MYH13: variants seen among roughly 807,000 people sequenced by gnomAD.
MYH13 encodes the protein myosin heavy chain 13, also known as myosin-13.
In MYH13, 177 loss-of-function variants were observed where a neutral mutation model predicts 232.1. The ratio of observed to expected loss-of-function variants is 0.76; its 90% CI spans 0.67 to 0.86. The LOEUF (loss-of-function observed/expected upper bound fraction) is 0.86. MYH13 is among the 40% of genes least tolerant of loss of function. The pLI, the probability that MYH13 is intolerant of heterozygous loss-of-function variation, is 0.00. For missense variants in MYH13, 2,246 were observed against 2,405.9 expected (o/e 0.93, Z 1.39); for synonymous variants, 884 against 923.5 (o/e 0.96, Z 0.78).
intron 21 of MYH13, among the ~76,000 whole-genome samples, chr17:10,330,106 C>A (rs568264546): frequency 3.3e-5 from 5 of 152,216 alleles, no homozygotes; most frequent in East Asian, 1.9e-4. Context: ...AGTTCCCTAT[C>A]CCCCGACTAT....
intron 35 of MYH13, 146 bp from the exon 36 acceptor site, chr17:10,307,210 T>C: frequency 1.0e-6 from 1 of 975,326 alleles, no homozygotes; most frequent in Non-Finnish European, 1.5e-6. Context: ...TACAGTACTG[T>C]ACATTCTTTC....
At position 10,309,371 on chromosome 17, in the gene MYH13, C is replaced by T. The variant is rs1181730146; in HGVS notation, c.5032G>A (p.Val1678Met). Residue 1678 changes from valine to methionine, a missense_variant, in exon 35 of 41, where the codon GTG becomes ATG. Transcript: ENST00000252172. ...NEDLKEQLAI[V>M]ERRNGLLLEE... ...AGCAGGAGGCCATTCCTGCGCTCCACGATGGCCAGCTGCTCCTTGAGGTCC... is the reference window on the plus strand; with the variant it reads ...AGCAGGAGGCCATTCCTGCGCTCCATGATGGCCAGCTGCTCCTTGAGGTCC... The T allele has an allele frequency of 8.7e-6, 14 of 1,612,682 alleles. No homozygotes were observed. The highest frequency in any genetic ancestry group is 5.3e-5 in the African/African-American group (4 of 74,936).
chr17:10,322,329 C>T (rs766380315), intron 23 of MYH13, among the ~76,000 whole-genome samples: 9 of 152,104 alleles, frequency 5.9e-5, no homozygotes, highest in East Asian at 1.9e-4. Context: ...AAACAGGAGG[C>T]AGAGGTTGCA....
chr17:10,363,018 C>T (rs1357700139), intron 3 of MYH13, among the ~76,000 whole-genome samples: 1 of 152,136 alleles, frequency 6.6e-6, no homozygotes, highest in Non-Finnish European at 1.5e-5. Context: ...TTCAAGGCTC[C>T]CATAATTATT....
intron 18 of MYH13, among the ~76,000 whole-genome samples, chr17:10,335,763 AAG>A (rs143527222): frequency 5.3e-5 from 8 of 152,152 alleles, no homozygotes; most frequent in South Asian, 2.1e-4. Flanking sequence ...TTGAAAAAAA[AAG>A]AGAGAGAGAG....
chr17:10,371,079 A>G (rs1409586600), intron 2 of MYH13, 130 bp downstream of exon 2: 2 of 152,226 alleles, frequency 1.3e-5, no homozygotes, highest in African/African-American at 4.8e-5. Flanking sequence ...ACCTTTAAGA[A>G]TAGTTAAGTT....
chr17:10,328,192 G>A, intron 21 of MYH13, 71 bp from the exon 22 acceptor site: 5 of 1,537,906 alleles, frequency 3.3e-6, no homozygotes, highest in Admixed American at 4.1e-5. Flanking sequence ...ACCTGTCCCC[G>A]ACGGACCCCA....
chr17:10,338,900 A>G (rs1338707746), intron 18 of MYH13, among the ~76,000 whole-genome samples: 1 of 152,002 alleles, frequency 6.6e-6, no homozygotes, highest in Non-Finnish European at 1.5e-5. Flanking sequence ...ACGGGGTTTC[A>G]CCATGTTAGC....
chr17:10,335,847 G>A (rs568864785), intron 18 of MYH13, among the ~76,000 whole-genome samples: 4 of 152,220 alleles, frequency 2.6e-5, no homozygotes, highest in Admixed American at 6.5e-5. Context: ...TGTGGCTGAG[G>A]CCTCTTTCTT....
At chr17:10,365,720 G>A (rs1466395018) in intron 2 of MYH13, among the ~76,000 whole-genome samples, 1 of 152,202 alleles carries the variant, frequency 6.6e-6, no homozygotes, top group Non-Finnish European at 1.5e-5. Flanking sequence ...ATGCATAGGA[G>A]ATGGGGAAGT....
intron 13 of MYH13, among the ~76,000 whole-genome samples, chr17:10,345,979 G>C (rs762968755): frequency 2.8e-5 from 3 of 106,980 alleles, no homozygotes; most frequent in Non-Finnish European, 5.1e-5. Context: ...GTGACATAGC[G>C]AGACTCTGTC....
rs761981455 is a variant in MYH13 at position 10,328,010 on chromosome 17, G to A, written c.2547C>T (p.Ala849=). ...CCTTCATGGTGGCCATCTCCTTCTCGGCCTCTGCACTCTTCAGCAGGGGCT... is the reference window on the plus strand; with the variant it reads ...CCTTCATGGTGGCCATCTCCTTCTCAGCCTCTGCACTCTTCAGCAGGGGCT... ...KIKPLLKSAE[A]EKEMATMKED... The change falls in exon 22 of 41, where the codon GCC becomes GCT. Residue 849 remains alanine (A), a synonymous_variant. Transcript: ENST00000252172. 13 of 1,613,930 alleles carry A rather than the reference G, an allele frequency of 8.1e-6. No individual in the cohort carries two copies. Among genetic ancestry groups the A allele is most frequent in the Admixed American group, 1.7e-5 (1 of 59,990 alleles).
In MYH13 at chr17:10,318,854, T is replaced by G. The variant is rs754626370; in HGVS notation, c.3674A>C (p.Lys1225Thr). The G allele has an allele frequency of 6.2e-6, 10 of 1,614,020 alleles. No individual in the cohort carries two copies. Among genetic ancestry groups the G allele is most frequent in the Non-Finnish European group, 7.6e-6 (9 of 1,180,038 alleles). The change falls in exon 27 of 41, where the codon AAG becomes ACG. Residue 1225 changes from lysine to threonine, a missense_variant. Physicochemically the swap from Lys to Thr is moderately conservative, Grantham distance 78 (BLOSUM62 -1). Coordinates refer to ENST00000252172, the MANE Select transcript of MYH13 (RefSeq NM_003802.3). ...GTCAATCTCCATCTTCAGCTCGCTCTTCTCCTTCTCCAGCTTCTGCTTCAC... is the reference window on the plus strand; with the variant it reads ...GTCAATCTCCATCTTCAGCTCGCTCGTCTCCTTCTCCAGCTTCTGCTTCAC... ...QRVKQKLEKE[K>T]SELKMEIDDM...
intron 32 of MYH13, 124 bp downstream of exon 32, chr17:10,311,787 T>G (rs1040953203): frequency 1.8e-6 from 2 of 1,141,450 alleles, no homozygotes; most frequent in Admixed American, 4.2e-5. Context: ...ATGTGAGGCA[T>G]GATGGGTGAG....
intron 21 of MYH13, 134 bp downstream of exon 21, chr17:10,330,253 G>T (rs773265054): frequency 3.0e-5 from 39 of 1,283,288 alleles, no homozygotes; most frequent in Non-Finnish European, 4.1e-5. Context: ...CAGGATTGCC[G>T]CTCAGTAGAT....
At chr17:10,316,508 C>T (rs547155985) in intron 27 of MYH13, among the ~76,000 whole-genome samples, 59 of 152,198 alleles carry the variant, frequency 3.9e-4, no homozygotes, top group Admixed American at 9.2e-4. Flanking sequence ...GCAGCTCAAT[C>T]ACCAATCACT....
rs2142270881 is a variant in MYH13 at position 10,357,728 on chromosome 17, A to G, written c.738+7T>C. On this transcript the variant is annotated splice_region_variant and intron_variant, in intron 8 of 40. Transcript: ENST00000252172. Reference sequence around the variant, plus strand: ...GGAGGATACTTGAAAATTGGGCCGGATCTTACAAATCTTGAGGAGTTGTCA... The same window carrying G: ...GGAGGATACTTGAAAATTGGGCCGGGTCTTACAAATCTTGAGGAGTTGTCA... The G allele has an allele frequency of 2.5e-6, 4 of 1,612,946 alleles. No individual in the cohort carries two copies. Among genetic ancestry groups the G allele is most frequent in the Non-Finnish European group, 3.4e-6 (4 of 1,179,202 alleles).
In MYH13 at chr17:10,301,697, GCTC is replaced by G. The variant is rs1567653320; in HGVS notation, c.5671_5673del (p.Glu1891del). On this transcript the variant is annotated inframe_deletion, in exon 40 of 41. Coordinates refer to ENST00000252172, the MANE Select transcript of MYH13 (RefSeq NM_003802.3). Reference sequence around the variant, plus strand: ...CATCTGGACAGCTGCGTGTTGGCCTGCTCCTCCTGCACAGGAGACAGAGGGGGT... The same window carrying G: ...CATCTGGACAGCTGCGTGTTGGCCTGCTCCTGCACAGGAGACAGAGGGGGT... 2 of 1,613,360 alleles carry G rather than the reference GCTC, an allele frequency of 1.2e-6. No homozygotes were observed. The highest frequency in any genetic ancestry group is 1.7e-5 in the Admixed American group (1 of 60,014).
At chr17:10,371,893 A>C (rs2071880368) in intron 1 of MYH13, among the ~76,000 whole-genome samples, 3 of 152,162 alleles carry the variant, frequency 2.0e-5, no homozygotes, top group Admixed American at 2.0e-4. Flanking sequence ...GGGACTAAGG[A>C]ATCTCAGCTC....
Sources: allele counts gnomAD v4.1 joint callset (sites outside exome capture counted in the v4.1 genomes callset), GRCh38; gene constraint gnomAD v4.1.1; transcripts MANE v1.5; gene names NCBI Gene and HGNC (gene_info 2026-07-23, HGNC 2026-07-21).